SUCLG2: variants seen among roughly 807,000 people sequenced by gnomAD.
The protein encoded by SUCLG2 is succinate--CoA ligase [GDP-forming] subunit beta, mitochondrial.
Under a neutral mutation model 47.9 loss-of-function variants are expected in SUCLG2, and 42 were observed. That is an observed-to-expected ratio of 0.88 (90% CI 0.69 to 1.14). The LOEUF is 1.14. SUCLG2 is among the 50% of genes most tolerant of loss of function. The pLI is 0.00. For synonymous variants in SUCLG2, 195 were observed against 197.3 expected (o/e 0.99, Z 0.10); for missense variants, 571 against 525.9 (o/e 1.09, Z -0.84).
At chr3:67,498,939 C>T (rs1045675178) in intron 7 of SUCLG2, among the ~76,000 whole-genome samples, 3 of 152,122 alleles carry the variant, frequency 2.0e-5, no homozygotes, top group African/African-American at 7.2e-5. Flanking sequence ...GATTTTTATT[C>T]TCAAGATGTA....
At chr3:67,648,462 G>A (rs1701230769) in intron 1 of SUCLG2, among the ~76,000 whole-genome samples, 2 of 152,198 alleles carry the variant, frequency 1.3e-5, no homozygotes, top group Non-Finnish European at 2.9e-5. Context: ...AGCCCAACTA[G>A]GATCTTTCAG....
intron 10 of SUCLG2, chr3:67,360,789 T>A: frequency 6.7e-7 from 1 of 1,497,182 alleles, no homozygotes; most frequent in Non-Finnish European, 8.9e-7. Context: ...AGTGAGATTC[T>A]TGTAATGAGT....
intron 2 of SUCLG2, among the ~76,000 whole-genome samples, chr3:67,530,185 A>G (rs1323168754): frequency 2.0e-5 from 3 of 152,214 alleles, no homozygotes; most frequent in African/African-American, 7.2e-5. Flanking sequence ...CCAGGTTTCA[A>G]TCTGGCCTTC....
intron 2 of SUCLG2, among the ~76,000 whole-genome samples, chr3:67,537,920 T>A (rs879272541): frequency 2.6e-5 from 4 of 152,172 alleles, no homozygotes; most frequent in African/African-American, 4.8e-5. Context: ...GGGTTTGTTT[T>A]CTTCTTTCTT....
intron 2 of SUCLG2, among the ~76,000 whole-genome samples, chr3:67,536,382 ATCTGT>A (rs1375995583): frequency 6.6e-6 from 1 of 152,160 alleles, no homozygotes; most frequent in African/African-American, 2.4e-5. Context: ...TGTTATTTAA[ATCTGT>A]TCCTCTCTCA....
At chr3:67,606,369 AGGGGTGAGG>A (rs1239925572) in intron 2 of SUCLG2, among the ~76,000 whole-genome samples, 1 of 152,222 alleles carries the variant, frequency 6.6e-6, no homozygotes, top group Non-Finnish European at 1.5e-5. Context: ...TATGCCTAAG[AGGGGTGAGG>A]GGAGTAATCA....
At chr3:67,463,579 AAGG>A (rs1358111749) in intron 9 of SUCLG2, among the ~76,000 whole-genome samples, 3 of 152,270 alleles carry the variant, frequency 2.0e-5, no homozygotes, top group African/African-American at 7.2e-5. Flanking sequence ...CTTAATAAAT[AAGG>A]AGAAGAGTAT....
chr3:67,483,582 C>T (rs1436839228), intron 9 of SUCLG2, among the ~76,000 whole-genome samples: 5 of 152,210 alleles, frequency 3.3e-5, no homozygotes, highest in South Asian at 2.1e-4. Flanking sequence ...TTTCTATCCT[C>T]TTTAAAATGG....
chr3:67,497,002 C>A (rs1705361031), intron 8 of SUCLG2, among the ~76,000 whole-genome samples: 1 of 152,128 alleles, frequency 6.6e-6, no homozygotes, highest in African/African-American at 2.4e-5. Context: ...TCAAACCATG[C>A]ACATTCCTAC....
intron 10 of SUCLG2, 148 bp downstream of exon 10, chr3:67,400,583 A>G (rs1431364949): frequency 1.8e-6 from 2 of 1,094,696 alleles, no homozygotes; most frequent in Non-Finnish European, 1.3e-6. Flanking sequence ...CTAGAGGCCC[A>G]GGGAAGTCCT....
intron 1 of SUCLG2, among the ~76,000 whole-genome samples, chr3:67,647,848 A>AT (rs1701218391): frequency 6.6e-6 from 1 of 152,186 alleles, no homozygotes; most frequent in Admixed American, 6.5e-5. Context: ...GCTGGGAACA[A>AT]TAACTCCTAT....
chr3:67,568,444 A>C (rs1394305585), intron 2 of SUCLG2, among the ~76,000 whole-genome samples: 3 of 152,220 alleles, frequency 2.0e-5, no homozygotes, highest in Non-Finnish European at 4.4e-5. Flanking sequence ...ATGAGAGAGA[A>C]AACGTGAGAA....
chr3:67,557,256 C>T (rs1707186328), intron 2 of SUCLG2, among the ~76,000 whole-genome samples: 1 of 152,152 alleles, frequency 6.6e-6, no homozygotes, highest in Non-Finnish European at 1.5e-5. Flanking sequence ...ACTAATATCA[C>T]ATATTACATA....
intron 2 of SUCLG2, among the ~76,000 whole-genome samples, chr3:67,590,783 G>A (rs1708138548): frequency 6.6e-6 from 1 of 152,090 alleles, no homozygotes; most frequent in Admixed American, 6.6e-5. Context: ...ACACAACAGG[G>A]TTTGGCTTTT....
In SUCLG2 at chr3:67,609,612, G is replaced by C. The variant is rs1455432209; in HGVS notation, c.85-16C>G. ...ATTGAACTGCCTACAGAAATTGAAG[G>C]AGAGAGGTAAGAACATTCATTAATA... On this transcript the variant is annotated splice_polypyrimidine_tract_variant and intron_variant, in intron 1 of 10. Transcript: ENST00000307227. 1.9e-6 allele frequency: 3 copies of C among 1,610,802 alleles called. No individual in the cohort carries two copies. In the East Asian group the frequency reaches 6.7e-5, roughly 36 times the overall value.
intron 1 of SUCLG2, among the ~76,000 whole-genome samples, chr3:67,644,683 A>C (rs1463877448): frequency 6.6e-6 from 1 of 151,860 alleles, no homozygotes; most frequent in Non-Finnish European, 1.5e-5. Context: ...TTACTACAAT[A>C]ATAAATATAT....
At chr3:67,558,608 C>T (rs1316273130) in intron 2 of SUCLG2, among the ~76,000 whole-genome samples, 1 of 152,168 alleles carries the variant, frequency 6.6e-6, no homozygotes, top group East Asian at 1.9e-4. Flanking sequence ...AATAGTTTGT[C>T]TCCTTCAGAA....
chr3:67,578,509 T>C (rs1414207857), intron 2 of SUCLG2, among the ~76,000 whole-genome samples: 1 of 152,082 alleles, frequency 6.6e-6, no homozygotes, highest in East Asian at 1.9e-4. Context: ...CCAAATCTTA[T>C]GTGAGAGTAG....
intron 2 of SUCLG2, among the ~76,000 whole-genome samples, chr3:67,599,736 T>C (rs1220600465): frequency 1.3e-5 from 2 of 148,794 alleles, no homozygotes; most frequent in Admixed American, 6.7e-5. Context: ...AAAAAAAAAC[T>C]CTAATACTTG....
Sources: allele counts gnomAD v4.1 joint callset (sites outside exome capture counted in the v4.1 genomes callset), GRCh38; gene constraint gnomAD v4.1.1; transcripts MANE v1.5; gene names NCBI Gene and HGNC (gene_info 2026-07-23, HGNC 2026-07-21).